The following MEIS1 variants were observed in gnomAD, a reference collection of about 807,000 sequenced individuals.
MEIS1 encodes the protein homeobox protein Meis1.
A neutral mutation model predicts 50.8 loss-of-function variants in MEIS1; 5 were observed. The ratio of observed to expected loss-of-function variants is 0.10; its 90% CI spans 0.05 to 0.21. The LOEUF (loss-of-function observed/expected upper bound fraction) is 0.21, where lower values mean the gene tolerates loss of function less well. Among genes scored for constraint, MEIS1 ranks in the 10% least tolerant of loss-of-function variants. The pLI, the probability that MEIS1 is intolerant of heterozygous loss-of-function variation, is 1.00. For synonymous variants in MEIS1, 176 were observed against 179.3 expected, an observed-to-expected ratio of 0.98 and a Z score of 0.15; for missense variants, 318 against 517.3, an observed-to-expected ratio of 0.61 and a Z score of 3.74.
chr2:66,484,059 T>C (rs1325751587), intron 7 of MEIS1, among the ~76,000 whole-genome samples: 6 of 152,216 alleles, frequency 3.9e-5, no homozygotes, highest in African/African-American at 1.4e-4. Flanking sequence ...CTTTACCAAG[T>C]ATTCCAGATA....
In MEIS1 at chr2:66,538,814, G is replaced by A. The variant is rs557318725; in HGVS notation, c.889-9129G>A. 1.1e-3 allele frequency among the ~76,000 whole-genome samples: 172 copies of A among 152,252 alleles called. 1 individual carries two copies. Among genetic ancestry groups the A allele is most frequent in the Middle Eastern group, 0.01 (3 of 292 alleles). On this transcript the variant is annotated intron_variant, in intron 8 of 12. Transcript: ENST00000272369. ...CCAATTTGTTTCAAAGCTGACAATT[G>A]AAGGCATATTGTAGTGTGGTTAGAG...
intron 7 of MEIS1, among the ~76,000 whole-genome samples, chr2:66,494,872 C>A (rs1040422441): frequency 5.9e-5 from 9 of 151,956 alleles, no homozygotes; most frequent in African/African-American, 9.7e-5. Context: ...CAGGTTCTGA[C>A]CTTAAGGTTA....
intron 7 of MEIS1, chr2:66,496,329 C>T (rs1673402438): frequency 6.6e-6 from 1 of 152,094 alleles, no homozygotes; most frequent in African/African-American, 2.4e-5. Flanking sequence ...CCGTATGCCT[C>T]CTGCAGGGGA....
At chr2:66,440,515 T>A (rs1439866549) in intron 3 of MEIS1, 47 bp from the exon 4 acceptor site, 3 of 1,553,014 alleles carry the variant, frequency 1.9e-6, no homozygotes, top group East Asian at 2.3e-5. Flanking sequence ...TTTTTCTTTC[T>A]TTTTTCTCTC....
intron 7 of MEIS1, among the ~76,000 whole-genome samples, chr2:66,481,774 T>C (rs545395431): frequency 2.0e-5 from 3 of 152,278 alleles, no homozygotes; most frequent in African/African-American, 7.2e-5. Flanking sequence ...GCTGACAATT[T>C]TGAGCCTCTT....
At chr2:66,487,590 G>A (rs1268247580) in intron 7 of MEIS1, among the ~76,000 whole-genome samples, 2 of 152,184 alleles carry the variant, frequency 1.3e-5, no homozygotes, top group Admixed American at 6.5e-5. Flanking sequence ...GGTGATCAGT[G>A]TCTATTTTAA....
intron 7 of MEIS1, among the ~76,000 whole-genome samples, chr2:66,491,840 C>T (rs1276070851): frequency 3.9e-5 from 6 of 151,956 alleles, no homozygotes; most frequent in Admixed American, 3.9e-4. Flanking sequence ...GGTCCCTCTT[C>T]CCTGCTTATT....
At chr2:66,552,135 A>G (rs1421358103) in intron 9 of MEIS1, among the ~76,000 whole-genome samples, 1 of 152,118 alleles carries the variant, frequency 6.6e-6, no homozygotes, top group Non-Finnish European at 1.5e-5. Context: ...TAGAATGGTC[A>G]GATAAAAATT....
At chr2:66,464,246 C>T (rs1289134490) in intron 7 of MEIS1, 26 bp downstream of exon 7, 1 of 1,517,414 alleles carries the variant, frequency 6.6e-7, no homozygotes. Flanking sequence ...TTCTCTTTTG[C>T]TACTTGTTTC....
chr2:66,477,607 G>C (rs929570497), intron 7 of MEIS1, among the ~76,000 whole-genome samples: 1 of 152,182 alleles, frequency 6.6e-6, no homozygotes, highest in African/African-American at 2.4e-5. Flanking sequence ...CCAGGGGCTG[G>C]GTGGAAAGGA....
At chr2:66,457,334 T>C (rs1672415779) in intron 6 of MEIS1, among the ~76,000 whole-genome samples, 1 of 152,040 alleles carries the variant, frequency 6.6e-6, no homozygotes. Context: ...TTATATGCTA[T>C]GTTTTGGTTA....
intron 8 of MEIS1, among the ~76,000 whole-genome samples, chr2:66,519,247 A>G (rs1395248746): frequency 1.3e-5 from 2 of 152,244 alleles, no homozygotes; most frequent in African/African-American, 2.4e-5. Context: ...ACTCTGGGCC[A>G]TGACCCAAGC....
At position 66,568,717 on chromosome 2, in the gene MEIS1, G is replaced by C; in HGVS notation, c.1075G>C (p.Val359Leu). Residue 359 changes from valine to leucine, a missense_variant, in exon 11 of 13, where the codon GTA becomes CTA. Physicochemically the swap from Val to Leu is conservative, Grantham distance 32. Around this residue, in one of 6 missense-constraint regions of MEIS1, gnomAD observed 54 missense variants for 75.0 expected, o/e 0.72. Transcript: ENST00000272369. Reference sequence around the variant, plus strand: ...TGATGGACAGCCCATGGGAGGTTTCGTAATGGACGGTCAGCAACATATGGG... The same window carrying C: ...TGATGGACAGCCCATGGGAGGTTTCCTAATGGACGGTCAGCAACATATGGG... ...NPDGQPMGGF[V>L]MDGQQHMGIR... The C allele has an allele frequency of 6.2e-6, 10 of 1,613,764 alleles. No individual in the cohort carries two copies. Among genetic ancestry groups the C allele is most frequent in the Non-Finnish European group, 6.8e-6 (8 of 1,179,708 alleles).
At chr2:66,485,307 A>C (rs1673116022) in intron 7 of MEIS1, among the ~76,000 whole-genome samples, 1 of 151,802 alleles carries the variant, frequency 6.6e-6, no homozygotes, top group Non-Finnish European at 1.5e-5. Context: ...CCCTGTGCCC[A>C]TATGTTCTCA....
chr2:66,451,739 T>TA (rs1672280759), intron 6 of MEIS1, among the ~76,000 whole-genome samples: 1 of 152,000 alleles, frequency 6.6e-6, no homozygotes, highest in South Asian at 2.1e-4. Context: ...AAGGCATACT[T>TA]ACACTATTTA....
intron 9 of MEIS1, among the ~76,000 whole-genome samples, chr2:66,565,299 T>G (rs1675320481): frequency 6.6e-6 from 1 of 152,162 alleles, no homozygotes; most frequent in Non-Finnish European, 1.5e-5. Context: ...TCTCTCTCTT[T>G]GAATAGCCTT....
At chr2:66,456,118 T>G (rs1454576273) in intron 6 of MEIS1, among the ~76,000 whole-genome samples, 1 of 152,132 alleles carries the variant, frequency 6.6e-6, no homozygotes, top group African/African-American at 2.4e-5. Context: ...TTTGAAAAAT[T>G]ATCATTTTTG....
intron 6 of MEIS1, among the ~76,000 whole-genome samples, chr2:66,445,674 C>T (rs1191040210): frequency 6.6e-6 from 1 of 152,060 alleles, no homozygotes; most frequent in Non-Finnish European, 1.5e-5. Flanking sequence ...TTTATTTTAC[C>T]TGTTTTCCTC....
At chr2:66,472,740 G>A (rs1248670688) in intron 7 of MEIS1, among the ~76,000 whole-genome samples, 1 of 152,104 alleles carries the variant, frequency 6.6e-6, no homozygotes, top group Non-Finnish European at 1.5e-5. Context: ...CAGCATCTAT[G>A]GGGCCCTGTT....
Sources: gnomAD v4.1 joint callset for allele counts (sites outside exome capture counted in the v4.1 genomes callset) on GRCh38, gnomAD v4.1.1 for gene constraint, gnomAD v4.1.1 regional missense constraint, MANE v1.5 for transcripts, NCBI Gene and HGNC (gene_info 2026-07-23, HGNC 2026-07-21) for gene names.